RBFOX1: variants seen among roughly 807,000 people sequenced by gnomAD.
RBFOX1 encodes the protein RNA binding protein fox-1 homolog 1.
Under a neutral mutation model 57.7 loss-of-function variants are expected in RBFOX1, and 8 were observed. That is an observed-to-expected ratio of 0.14 (90% CI 0.08 to 0.25). RBFOX1 has a LOEUF of 0.25. Among genes scored for constraint, RBFOX1 ranks in the 10% least tolerant of loss-of-function variants. The pLI is 1.00. For missense variants in RBFOX1, 611 were observed against 548.5 expected, an observed-to-expected ratio of 1.11 and a Z score of -1.14; for synonymous variants, 326 against 222.4, an observed-to-expected ratio of 1.47 and a Z score of -4.15.
intron 1 of RBFOX1, among the ~76,000 whole-genome samples, chr16:6,154,821 C>T (rs768109365): frequency 1.3e-4 from 20 of 152,048 alleles, no homozygotes; most frequent in Admixed American, 3.9e-4. Context: ...TTGAAAATAG[C>T]CTGTTCATTT....
At chr16:7,284,481 C>G (rs1468305383) in intron 4 of RBFOX1, among the ~76,000 whole-genome samples, 1 of 152,110 alleles carries the variant, frequency 6.6e-6, no homozygotes, top group African/African-American at 2.4e-5. Context: ...CAGGCACTCA[C>G]CACCACGCCT....
At chr16:5,532,782 G>A (rs1047220994) in intron 2 of RBFOX1, among the ~76,000 whole-genome samples, 1 of 152,180 alleles carries the variant, frequency 6.6e-6, no homozygotes, top group African/African-American at 2.4e-5. Flanking sequence ...GGATTGGGGT[G>A]AATTGGGGTG....
intron 4 of RBFOX1, among the ~76,000 whole-genome samples, chr16:7,182,330 C>T (rs181866716): frequency 1.3e-5 from 2 of 152,144 alleles, no homozygotes; most frequent in Admixed American, 1.3e-4. Flanking sequence ...AAAAAAAAGA[C>T]CAAAAAGTAA....
chr16:7,664,437 G>A lies in RBFOX1; in HGVS notation c.891-492G>A, dbSNP rs79412132. Among the ~76,000 whole-genome samples the A allele has an allele frequency of 8.5e-3, 1,288 of 152,284 alleles. 28 individuals carry two copies. Among genetic ancestry groups the A allele is most frequent in the African/African-American group, 0.028 (1,169 of 41,552 alleles). ...GAAAATTTTTGAAACCATATGTGTTGTCCACCTCACCTAAGGCCATTCAGC... is the reference window on the plus strand; with the variant it reads ...GAAAATTTTTGAAACCATATGTGTTATCCACCTCACCTAAGGCCATTCAGC... On this transcript the variant is annotated intron_variant, in intron 12 of 15. Transcript: ENST00000550418.
chr16:7,534,162 C>G (rs1301324959), intron 5 of RBFOX1, among the ~76,000 whole-genome samples: 1 of 150,380 alleles, frequency 6.6e-6, no homozygotes, highest in African/African-American at 2.4e-5. Flanking sequence ...TCTCGGCTCA[C>G]TGCAGCCTCC....
chr16:5,353,249 A>G (rs922152894), intron 1 of RBFOX1, among the ~76,000 whole-genome samples: 7 of 151,880 alleles, frequency 4.6e-5, no homozygotes, highest in African/African-American at 1.7e-4. Context: ...GTGGTGGCAC[A>G]TGCCTGTAAT....
chr16:6,979,402 C>A (rs191246654), intron 3 of RBFOX1, among the ~76,000 whole-genome samples: 1 of 152,182 alleles, frequency 6.6e-6, no homozygotes, highest in Non-Finnish European at 1.5e-5. Flanking sequence ...TGCGATAGAC[C>A]CACTAAATTA....
chr16:5,590,928 C>T (rs775224436), intron 2 of RBFOX1, among the ~76,000 whole-genome samples: 21 of 152,082 alleles, frequency 1.4e-4, no homozygotes, highest in Non-Finnish European at 2.6e-4. Context: ...TACCCCAATG[C>T]CAGCATTTCT....
rs138621363 is a variant in RBFOX1 at position 6,233,021 on chromosome 16, T to A, written c.-126-83974T>A. Among the ~76,000 whole-genome samples the A allele has an allele frequency of 1.3e-3, 196 of 152,246 alleles. 2 individuals are homozygous for A. In the East Asian group the frequency reaches 0.023, roughly 18 times the overall value. The stretch of plus-strand genomic sequence containing the variant: ...AGCGCCATTCCCATTGAATTCTACA[T>A]CGTCTGCTCATCACTATGTAGGCCC... On this transcript the variant is annotated intron_variant, in intron 1 of 15. Transcript: ENST00000550418.
intron 3 of RBFOX1, among the ~76,000 whole-genome samples, chr16:6,811,072 T>C (rs1422157589): frequency 6.6e-6 from 1 of 152,168 alleles, no homozygotes; most frequent in Non-Finnish European, 1.5e-5. Context: ...CACACCTGGG[T>C]ATTTCTTTCT....
At chr16:7,427,482 T>C (rs1568844218) in intron 4 of RBFOX1, among the ~76,000 whole-genome samples, 1 of 152,018 alleles carries the variant, frequency 6.6e-6, no homozygotes, top group African/African-American at 2.4e-5. Context: ...TTAACAACTG[T>C]GTGTAGCTCT....
intron 1 of RBFOX1, among the ~76,000 whole-genome samples, chr16:5,443,064 C>T (rs933412692): frequency 1.4e-4 from 21 of 152,152 alleles, no homozygotes; most frequent in African/African-American, 4.8e-4. Flanking sequence ...GAACAGTCCT[C>T]CTCTAGAGCA....
At chr16:7,573,996 G>C (rs2093058112) in intron 5 of RBFOX1, among the ~76,000 whole-genome samples, 1 of 152,024 alleles carries the variant, frequency 6.6e-6, no homozygotes, top group African/African-American at 2.4e-5. Context: ...AAGTTTCCTA[G>C]CTTTTTCACA....
intron 1 of RBFOX1, among the ~76,000 whole-genome samples, chr16:6,228,280 G>A (rs1355724008): frequency 6.6e-6 from 1 of 152,040 alleles, no homozygotes; most frequent in Non-Finnish European, 1.5e-5. Flanking sequence ...CTGAGATCAT[G>A]CCACTGCCCT....
chr16:6,239,115 A>G lies in RBFOX1; in HGVS notation c.-126-77880A>G, dbSNP rs193121987. On this transcript the variant is annotated intron_variant, in intron 1 of 15. Transcript: ENST00000550418. ...TAATATAAAGCTTACCCTAAAGCCC[A>G]CCCCATTCCCACAGCATACACTGTC... Among the ~76,000 whole-genome samples the G allele has an allele frequency of 1.3e-4, 20 of 152,204 alleles. No homozygotes were observed. The East Asian group carries it at 3.9e-3, about 29-fold the overall frequency.
chr16:5,382,626 G>T (rs1236971008), intron 1 of RBFOX1, among the ~76,000 whole-genome samples: 1 of 152,144 alleles, frequency 6.6e-6, no homozygotes, highest in African/African-American at 2.4e-5. Context: ...CTTGCAGAAT[G>T]TTGCTTCATT....
chr16:5,430,397 G>C (rs993673033), intron 1 of RBFOX1, among the ~76,000 whole-genome samples: 3 of 152,222 alleles, frequency 2.0e-5, no homozygotes, highest in Non-Finnish European at 4.4e-5. Flanking sequence ...TTGAGAAACA[G>C]TGGGAGGGAG....
At chr16:6,993,048 G>A (rs2091752306) in intron 3 of RBFOX1, among the ~76,000 whole-genome samples, 1 of 152,140 alleles carries the variant, frequency 6.6e-6, no homozygotes, top group Non-Finnish European at 1.5e-5. Flanking sequence ...TTTCGCAGCT[G>A]GAGCCTGGTC....
At chr16:5,938,336 C>A (rs1030593932) in intron 4 of RBFOX1, among the ~76,000 whole-genome samples, 8 of 152,148 alleles carry the variant, frequency 5.3e-5, no homozygotes, top group African/African-American at 1.2e-4. Context: ...TCTCACTGAT[C>A]GTTGCTGATG....
Sources: allele counts gnomAD v4.1 joint callset (sites outside exome capture counted in the v4.1 genomes callset), GRCh38; gene constraint gnomAD v4.1.1; transcripts MANE v1.5; gene names NCBI Gene and HGNC (gene_info 2026-07-23, HGNC 2026-07-21).